UNC5D: variants seen among roughly 807,000 people sequenced by gnomAD.
UNC5D encodes unc-5 netrin receptor D.
Under a neutral mutation model 105.4 loss-of-function variants are expected in UNC5D, and 39 were observed. The observed-to-expected ratio is 0.37, with a 90% CI of 0.29 to 0.48. UNC5D has a LOEUF of 0.48. UNC5D is among the 20% of genes least tolerant of loss of function. The pLI, the probability that UNC5D is intolerant of heterozygous loss-of-function variation, is 0.98. For synonymous variants in UNC5D, 452 were observed against 450.4 expected (o/e 1.00, Z -0.04); for missense variants, 991 against 1,202.4 (o/e 0.82, Z 2.60).
Position 35,517,862 on chromosome 8 carries a change from C to T in UNC5D, c.104-31430C>T, listed in dbSNP as rs1246054226. 3.3e-5 allele frequency among the ~76,000 whole-genome samples: 5 copies of T among 152,214 alleles called. No individual in the cohort carries two copies. The East Asian group carries it at 9.7e-4, about 29-fold the overall frequency. On this transcript the variant is annotated intron_variant, in intron 1 of 16. Coordinates refer to ENST00000404895, the MANE Select transcript of UNC5D (RefSeq NM_080872.4). ...GCAGTTTCAGTGTCTGGTGCAGGAC[C>T]ACTTCCTCATAGACAGCTGTCTTCT... is the stretch of plus-strand genomic sequence containing the variant.
At chr8:35,702,894 C>T (rs769961358) in intron 7 of UNC5D, among the ~76,000 whole-genome samples, 3 of 152,090 alleles carry the variant, frequency 2.0e-5, no homozygotes, top group Non-Finnish European at 4.4e-5. Context: ...TGGAACTTAG[C>T]ATAACAAGTC....
intron 8 of UNC5D, among the ~76,000 whole-genome samples, chr8:35,709,618 A>G (rs1157459444): frequency 1.3e-5 from 2 of 152,210 alleles, no homozygotes; most frequent in African/African-American, 4.8e-5. Flanking sequence ...TGAAGCCGGG[A>G]GGTGGAGGTT....
intron 1 of UNC5D, among the ~76,000 whole-genome samples, chr8:35,340,237 CTA>C (rs1382519715): frequency 1.3e-5 from 2 of 152,110 alleles, no homozygotes; most frequent in Non-Finnish European, 2.9e-5. Context: ...TCACAATAGT[CTA>C]GAAAACTTCT....
intron 4 of UNC5D, among the ~76,000 whole-genome samples, chr8:35,643,393 T>C (rs1217068987): frequency 6.6e-6 from 1 of 152,186 alleles, no homozygotes; most frequent in African/African-American, 2.4e-5. Flanking sequence ...CTCGGCTTAC[T>C]GCAACCTCTG....
chr8:35,750,933 C>T lies in UNC5D; in HGVS notation c.2163+124C>T, dbSNP rs545819177. The stretch of plus-strand genomic sequence containing the variant: ...AAATGAACCCACGCCACTGTAACTG[C>T]CCAGTGGGTTCACCTTGCCTGCTGC... On this transcript the variant is annotated intron_variant, in intron 13 of 16. Coordinates refer to ENST00000404895, the MANE Select transcript of UNC5D (RefSeq NM_080872.4). 5 of 1,117,398 alleles carry T rather than the reference C, an allele frequency of 4.5e-6. 1 individual carries two copies. Among genetic ancestry groups the T allele is most frequent in the Middle Eastern group, 4.4e-4 (2 of 4,578 alleles). 69.2% of individuals were successfully genotyped at this position (1,117,398 alleles called of 1,614,324 possible).
At chr8:35,401,518 C>T (rs1055639480) in intron 1 of UNC5D, among the ~76,000 whole-genome samples, 2 of 152,138 alleles carry the variant, frequency 1.3e-5, no homozygotes, top group Admixed American at 1.3e-4. Flanking sequence ...AAATACTTGA[C>T]AGATGAACGA....
chr8:35,360,867 T>A (rs1452612504), intron 1 of UNC5D, among the ~76,000 whole-genome samples: 4 of 152,130 alleles, frequency 2.6e-5, no homozygotes, highest in Non-Finnish European at 5.9e-5. Flanking sequence ...ACTCCTACTG[T>A]GTTTTCTGCT....
At chr8:35,257,451 C>A (rs1265877400) in intron 1 of UNC5D, among the ~76,000 whole-genome samples, 1 of 152,130 alleles carries the variant, frequency 6.6e-6, no homozygotes, top group Non-Finnish European at 1.5e-5. Context: ...GATGACTGGA[C>A]TCTAACTCTC....
chr8:35,400,603 C>T (rs796692768), intron 1 of UNC5D, among the ~76,000 whole-genome samples: 6 of 152,252 alleles, frequency 3.9e-5, no homozygotes, highest in African/African-American at 1.4e-4. Flanking sequence ...TTTCCTCGGT[C>T]ATTAGGGTAA....
At chr8:35,454,856 G>A (rs1295776776) in intron 1 of UNC5D, among the ~76,000 whole-genome samples, 3 of 152,054 alleles carry the variant, frequency 2.0e-5, no homozygotes, top group South Asian at 2.1e-4. Flanking sequence ...CCTATCTACC[G>A]TACACGGGTG....
chr8:35,654,804 A>G (rs1036102440), intron 4 of UNC5D, among the ~76,000 whole-genome samples: 4 of 152,158 alleles, frequency 2.6e-5, no homozygotes, highest in Non-Finnish European at 5.9e-5. Context: ...GGCTAACTTC[A>G]GTTAATATAC....
intron 4 of UNC5D, among the ~76,000 whole-genome samples, chr8:35,640,629 G>T (rs747321397): frequency 6.6e-6 from 1 of 152,078 alleles, no homozygotes; most frequent in African/African-American, 2.4e-5. Flanking sequence ...GCAGGATGAC[G>T]CAGTGGAAGA....
intron 4 of UNC5D, among the ~76,000 whole-genome samples, chr8:35,657,080 GTATATA>G (rs3077002): frequency 0.019 from 870 of 46,340 alleles, 15 homozygotes; most frequent in African/African-American, 0.02. Flanking sequence ...GTGTGTGTGT[GTATATA>G]TATATATATA....
At chr8:35,564,031 C>T (rs1173477973) in intron 2 of UNC5D, among the ~76,000 whole-genome samples, 3 of 151,998 alleles carry the variant, frequency 2.0e-5, no homozygotes, top group African/African-American at 7.3e-5. Context: ...CATTGAGGAT[C>T]TGTGTTCATC....
At chr8:35,406,068 T>A (rs1804782122) in intron 1 of UNC5D, among the ~76,000 whole-genome samples, 1 of 152,172 alleles carries the variant, frequency 6.6e-6, no homozygotes, top group African/African-American at 2.4e-5. Context: ...TTTAATGAGA[T>A]TCTTTGATTT....
intron 1 of UNC5D, among the ~76,000 whole-genome samples, chr8:35,274,361 C>A (rs1033395779): frequency 5.3e-5 from 8 of 152,140 alleles, no homozygotes; most frequent in Non-Finnish European, 1.0e-4. Context: ...TAGCGGCACT[C>A]GTGTTCTAAG....
At chr8:35,489,592 T>C (rs1263404859) in intron 1 of UNC5D, among the ~76,000 whole-genome samples, 2 of 152,176 alleles carry the variant, frequency 1.3e-5, no homozygotes, top group Non-Finnish European at 2.9e-5. Flanking sequence ...TGCCAATACC[T>C]TGATCTTGGA....
intron 1 of UNC5D, among the ~76,000 whole-genome samples, chr8:35,374,776 GA>G (rs2128927792): frequency 6.6e-6 from 1 of 152,296 alleles, no homozygotes; most frequent in African/African-American, 2.4e-5. Flanking sequence ...TGGAGTTATA[GA>G]ACTTTTTAAA....
intron 1 of UNC5D, among the ~76,000 whole-genome samples, chr8:35,420,021 C>T (rs1306111166): frequency 6.6e-6 from 1 of 151,870 alleles, no homozygotes; most frequent in Non-Finnish European, 1.5e-5. Flanking sequence ...CTGATTGGTC[C>T]ATGGGTGGGC....
Sources: gnomAD v4.1 joint callset for allele counts (sites outside exome capture counted in the v4.1 genomes callset) on GRCh38, gnomAD v4.1.1 for gene constraint, MANE v1.5 for transcripts, NCBI Gene and HGNC (gene_info 2026-07-23, HGNC 2026-07-21) for gene names.